The following PRDM11 variants were observed in gnomAD, a reference collection of about 807,000 sequenced individuals.
The protein encoded by PRDM11 is PR domain-containing protein 11.
PRDM11 carries 20 observed loss-of-function variants against 97.8 expected under a neutral mutation model. That is an observed-to-expected ratio of 0.20 (90% confidence interval 0.14 to 0.30). PRDM11 has a LOEUF of 0.30. PRDM11 is among the 10% of genes least tolerant of loss of function. The pLI is 1.00. For synonymous variants in PRDM11, 599 were observed against 637.7 expected, an observed-to-expected ratio of 0.94 and a Z score of 0.91; for missense variants, 1,139 against 1,555.2, an observed-to-expected ratio of 0.73 and a Z score of 4.50.
In PRDM11 at chr11:45,225,766, G is replaced by C. The variant is rs1854260108; in HGVS notation, c.1370-229G>C. Among the ~76,000 whole-genome samples the C allele has an allele frequency of 2.6e-5, 4 of 152,142 alleles. No individual in the cohort carries two copies. In the South Asian group the frequency reaches 6.2e-4, roughly 24 times the overall value. On this transcript the variant is annotated intron_variant, in intron 7 of 7. Transcript: ENST00000683152. ...GCAAGGGCAGGCAGCCTGAAATCTG[G>C]TGGGTGTGACAAGGCAACCGTGGAC...
intron 1 of PRDM11, among the ~76,000 whole-genome samples, chr11:45,122,966 A>G (rs1216627789): frequency 6.6e-6 from 1 of 152,158 alleles, no homozygotes; most frequent in Admixed American, 6.5e-5. Flanking sequence ...CCAACAGTGT[A>G]AAAGTGTTCC....
chr11:45,099,843 C>T (rs1851943036), intron 1 of PRDM11, among the ~76,000 whole-genome samples: 1 of 152,234 alleles, frequency 6.6e-6, no homozygotes, highest in Non-Finnish European at 1.5e-5. Context: ...AATTCTGAAG[C>T]TCATGCACTT....
chr11:45,162,216 C>G (rs1184728711), intron 1 of PRDM11, among the ~76,000 whole-genome samples: 1 of 152,178 alleles, frequency 6.6e-6, no homozygotes, highest in Non-Finnish European at 1.5e-5. Context: ...TCAGCTGAGG[C>G]CTGTCTACCC....
At chr11:45,204,602 G>T in intron 4 of PRDM11, 109 bp from the exon 5 acceptor site, 2 of 973,110 alleles carry the variant, frequency 2.1e-6, no homozygotes, top group Non-Finnish European at 3.3e-6. Context: ...TTCAGGGGGA[G>T]GGGGAGGGAG....
At chr11:45,212,601 A>G (rs1037239241) in intron 5 of PRDM11, 3 of 456,358 alleles carry the variant, frequency 6.6e-6, no homozygotes, top group Non-Finnish European at 1.3e-5. Flanking sequence ...GACCAGTCTG[A>G]GACGGTGGGC....
At chr11:45,145,469 C>T (rs540633056), upstream of PRDM11, among the ~76,000 whole-genome samples, 92 of 152,332 alleles carry the variant, frequency 6.0e-4, 1 homozygote, top group South Asian at 0.018. Context: ...AAGGTTGACA[C>T]GGAACTCCTT....
intron 4 of PRDM11, 110 bp downstream of exon 4, chr11:45,183,233 C>T: frequency 7.4e-7 from 1 of 1,352,994 alleles, no homozygotes; most frequent in East Asian, 2.5e-5. Context: ...TCTACCATCG[C>T]TTCTGGACCT....
chr11:45,179,887 G>A (rs879689017), intron 1 of PRDM11, among the ~76,000 whole-genome samples: 1 of 152,226 alleles, frequency 6.6e-6, no homozygotes, highest in South Asian at 2.1e-4. Flanking sequence ...GATGTATGGT[G>A]GGGGGTACTG....
intron 5 of PRDM11, chr11:45,209,169 G>T (rs1409734011): frequency 2.2e-6 from 1 of 453,684 alleles, no homozygotes; most frequent in East Asian, 7.0e-5. Flanking sequence ...TGGGGCCGGG[G>T]GCCGGGCCCC....
chr11:45,131,012 C>T (rs764912832), intron 1 of PRDM11, among the ~76,000 whole-genome samples: 9 of 152,142 alleles, frequency 5.9e-5, no homozygotes, highest in Non-Finnish European at 1.0e-4. Flanking sequence ...AAATGTCCAT[C>T]AACAGTAAAA....
In PRDM11 at chr11:45,227,568, C is replaced by T. The variant is rs565018924; in HGVS notation, c.2943C>T (p.Ile981=). Reference sequence around the variant, plus strand: ...AGAGGTTCGACTCCCGCAGCCGGATCTTTGTGAAGGCCTGCCAGGTGTTTG... The same window carrying T: ...AGAGGTTCGACTCCCGCAGCCGGATTTTTGTGAAGGCCTGCCAGGTGTTTG... ...LAQRFDSRSR[I]FVKACQVFDL... Residue 981 remains isoleucine, a synonymous_variant, in exon 8 of 8, where the codon ATC becomes ATT. Coordinates refer to ENST00000683152, the MANE Select transcript of PRDM11 (RefSeq NM_001384648.1). The surrounding 1 kb of genome is among the most constrained non-coding windows in gnomAD (Gnocchi z 8.0). 186 of 1,533,932 alleles carry T rather than the reference C, an allele frequency of 1.2e-4. No individual in the cohort carries two copies. Among genetic ancestry groups the T allele is most frequent in the Non-Finnish European group, 1.6e-4 (179 of 1,146,740 alleles).
chr11:45,170,788 G>A (rs1020110568), intron 1 of PRDM11, among the ~76,000 whole-genome samples: 2 of 152,278 alleles, frequency 1.3e-5, no homozygotes, highest in Admixed American at 6.5e-5. Flanking sequence ...GGAGGGACAC[G>A]AGTCAGGCTG....
At chr11:45,117,041 T>G (rs1442404110) in intron 1 of PRDM11, among the ~76,000 whole-genome samples, 1 of 152,036 alleles carries the variant, frequency 6.6e-6, no homozygotes, top group Admixed American at 6.5e-5. Context: ...CTCACCAATA[T>G]GGTGAAACCC....
chr11:45,127,838 T>A (rs975384560), intron 1 of PRDM11, among the ~76,000 whole-genome samples: 3 of 152,202 alleles, frequency 2.0e-5, no homozygotes, highest in Non-Finnish European at 4.4e-5. Context: ...CGTTCTCAGA[T>A]CTCCAGCTGC....
intron 1 of PRDM11, among the ~76,000 whole-genome samples, chr11:45,167,431 A>G (rs879712290): frequency 5.9e-5 from 9 of 152,174 alleles, no homozygotes; most frequent in Non-Finnish European, 1.0e-4. Flanking sequence ...CATCAGGATC[A>G]TCAGTAGGGA....
At chr11:45,168,135 C>T (rs1852111625) in intron 1 of PRDM11, among the ~76,000 whole-genome samples, 1 of 152,052 alleles carries the variant, frequency 6.6e-6, no homozygotes, top group South Asian at 2.1e-4. Flanking sequence ...TGGGCAAATA[C>T]ACAGCCAGTG....
intron 4 of PRDM11, among the ~76,000 whole-genome samples, chr11:45,192,080 T>C (rs1852935049): frequency 6.6e-6 from 1 of 152,088 alleles, no homozygotes; most frequent in African/African-American, 2.4e-5. Flanking sequence ...AACTAGGTTT[T>C]GAGGGAGGGA....
chr11:45,173,515 G>A (rs574383440), intron 1 of PRDM11, among the ~76,000 whole-genome samples: 9 of 151,836 alleles, frequency 5.9e-5, no homozygotes, highest in African/African-American at 9.7e-5. Flanking sequence ...CCAGCTACTC[G>A]GGAGGCTGAG....
At chr11:45,221,382 G>C (rs1190712689) in intron 6 of PRDM11, among the ~76,000 whole-genome samples, 1 of 152,154 alleles carries the variant, frequency 6.6e-6, no homozygotes, top group East Asian at 1.9e-4. Flanking sequence ...AGTCTTTGTT[G>C]AATGGATAAA....
Sources: gnomAD v4.1 joint callset for allele counts (sites outside exome capture counted in the v4.1 genomes callset) on GRCh38, gnomAD v4.1.1 for gene constraint, Gnocchi (gnomAD v3.1) non-coding constraint, MANE v1.5 for transcripts, NCBI Gene and HGNC (gene_info 2026-07-23, HGNC 2026-07-21) for gene names.